The following SCML4 variants were observed in gnomAD, a reference collection of about 807,000 sequenced individuals.
The protein encoded by SCML4 is Scm polycomb group protein like 4.
In SCML4, 34 loss-of-function variants were observed where a neutral mutation model predicts 41.1. The ratio of observed to expected loss-of-function variants is 0.83; its 90% CI spans 0.63 to 1.10. The LOEUF is 1.10. Among genes scored for constraint, SCML4 ranks in the 50% least tolerant of loss-of-function variants. The pLI is 0.00. For synonymous variants in SCML4, 214 were observed against 220.9 expected (o/e 0.97, Z 0.28); for missense variants, 522 against 534.1 (o/e 0.98, Z 0.22).
At chr6:107,827,975 G>T (rs561243278), upstream of SCML4, among the ~76,000 whole-genome samples, 1 of 152,212 alleles carries the variant, frequency 6.6e-6, no homozygotes, top group Non-Finnish European at 1.5e-5. Context: ...TGCTACCGCC[G>T]AAACAACCTT....
At chr6:107,841,780 G>C in the SCML4 span, among the ~76,000 whole-genome samples, 1 of 152,126 alleles carries the variant, frequency 6.6e-6, no homozygotes, top group Non-Finnish European at 1.5e-5. Context: ...TCCTGGTTAG[G>C]AGAGGGCCCA....
At chr6:107,828,986 C>T (rs1399722277), upstream of SCML4, among the ~76,000 whole-genome samples, 3 of 151,930 alleles carry the variant, frequency 2.0e-5, no homozygotes, top group East Asian at 1.9e-4. Flanking sequence ...TAGAAGAACA[C>T]GGAATGAAAC....
chr6:107,803,487 C>T (rs1217773093), intron 1 of SCML4, among the ~76,000 whole-genome samples: 3 of 150,022 alleles, frequency 2.0e-5, no homozygotes, highest in South Asian at 4.2e-4. Context: ...CGCCTCTGCC[C>T]GGCCGCCCCT....
chr6:107,801,545 G>C (rs1219510461), intron 1 of SCML4, among the ~76,000 whole-genome samples: 2 of 152,082 alleles, frequency 1.3e-5, no homozygotes, highest in Non-Finnish European at 2.9e-5. Context: ...CTTTTCACTA[G>C]TCTCATAGAA....
intron 1 of SCML4, among the ~76,000 whole-genome samples, chr6:107,800,970 T>C (rs1021897601): frequency 1.3e-5 from 2 of 152,270 alleles, no homozygotes; most frequent in Non-Finnish European, 2.9e-5. Flanking sequence ...GTCCGAATCT[T>C]AACCTTGCAG....
chr6:107,763,090 C>T (rs1439456457), intron 2 of SCML4, among the ~76,000 whole-genome samples: 3 of 151,800 alleles, frequency 2.0e-5, no homozygotes, highest in African/African-American at 7.3e-5. Context: ...GCTATGTTGC[C>T]CAGGCTGGTC....
rs1773382196 is a variant in SCML4 at position 107,704,012 on chromosome 6, CTG to C, written c.*1186_*1187del. 1 of 152,312 alleles carries C rather than the reference CTG, an allele frequency of 6.6e-6. No individual in the cohort carries two copies. The highest frequency in any genetic ancestry group is 1.5e-5 in the Non-Finnish European group (1 of 68,028). The allele number at this position is 152,312 out of a possible 1,614,324, so 9.4% of individuals were successfully genotyped here. ...TAAATTGTGGATTCATTGTCCGTCT[CTG>C]GACACAGCTGCAAAGGAGCAGAAAA... is the stretch of plus-strand genomic sequence containing the variant. On this transcript the variant is annotated 3_prime_UTR_variant, in exon 8 of 8. Coordinates refer to ENST00000369020, the MANE Select transcript of SCML4 (RefSeq NM_198081.5).
chr6:107,715,865 C>T (rs1407590545), intron 6 of SCML4, among the ~76,000 whole-genome samples: 1 of 152,120 alleles, frequency 6.6e-6, no homozygotes, highest in African/African-American at 2.4e-5. Context: ...GGGGAAAATG[C>T]CATTTCTAAG....
intron 6 of SCML4, chr6:107,720,466 G>A: frequency 6.6e-6 from 8 of 1,218,274 alleles, no homozygotes; most frequent in Non-Finnish European, 8.2e-6. Flanking sequence ...GTACATTTTG[G>A]AGTCTACGTA....
At chr6:107,838,972 G>A in the SCML4 span, among the ~76,000 whole-genome samples, 10 of 151,930 alleles carry the variant, frequency 6.6e-5, no homozygotes, top group East Asian at 3.9e-4. Context: ...ACAAAAAATC[G>A]TCCAGAAATA....
At chr6:107,814,745 G>C (rs927584226) in intron 1 of SCML4, among the ~76,000 whole-genome samples, 1 of 152,138 alleles carries the variant, frequency 6.6e-6, no homozygotes, top group African/African-American at 2.4e-5. Context: ...TAGAGACGGG[G>C]TTTCGCCACA....
chr6:107,829,091 T>A (rs1304436407), upstream of SCML4, among the ~76,000 whole-genome samples: 2 of 152,208 alleles, frequency 1.3e-5, no homozygotes, highest in Non-Finnish European at 2.9e-5. Context: ...ACTAATGATT[T>A]ACAAAATATA....
At chr6:107,820,343 G>C (rs1355274984) in intron 1 of SCML4, among the ~76,000 whole-genome samples, 1 of 152,200 alleles carries the variant, frequency 6.6e-6, no homozygotes, top group Admixed American at 6.5e-5. Flanking sequence ...GGCTGTCCCT[G>C]AATGCCACCC....
chr6:107,774,914 T>G (rs1238730686), intron 1 of SCML4, among the ~76,000 whole-genome samples: 1 of 150,442 alleles, frequency 6.6e-6, no homozygotes, highest in Non-Finnish European at 1.5e-5. Flanking sequence ...TTCCAACTAC[T>G]AGGGAGGCTG....
chr6:107,803,441 C>T (rs1188277027), intron 1 of SCML4, among the ~76,000 whole-genome samples: 4 of 149,350 alleles, frequency 2.7e-5, no homozygotes, highest in Non-Finnish European at 4.5e-5. Flanking sequence ...GGTCAGCCCC[C>T]CGCCCGGCCA....
intron 2 of SCML4, among the ~76,000 whole-genome samples, chr6:107,756,698 A>T (rs1420136899): frequency 6.6e-5 from 10 of 152,210 alleles, no homozygotes. Flanking sequence ...GGGGGAAATC[A>T]GGTGCGGGGT....
intron 1 of SCML4, among the ~76,000 whole-genome samples, chr6:107,774,380 T>TGA (rs1780749643): frequency 6.6e-6 from 1 of 152,106 alleles, no homozygotes; most frequent in African/African-American, 2.4e-5. Flanking sequence ...TCAGTTAGGA[T>TGA]GAGGGACTAT....
chr6:107,814,828 C>A (rs183621080), intron 1 of SCML4, among the ~76,000 whole-genome samples: 1 of 152,162 alleles, frequency 6.6e-6, no homozygotes, highest in Non-Finnish European at 1.5e-5. Context: ...GCTGGGATTA[C>A]GAGCGTGAGC....
At chr6:107,831,895 T>TACAC in the SCML4 span, among the ~76,000 whole-genome samples, 721 of 150,628 alleles carry the variant, frequency 4.8e-3, 1 homozygote, top group Middle Eastern at 0.01. Context: ...TACTAAAAAA[T>TACAC]ACACACACAC....
Sources: allele counts gnomAD v4.1 joint callset (sites outside exome capture counted in the v4.1 genomes callset), GRCh38; gene constraint gnomAD v4.1.1; transcripts MANE v1.5; gene names NCBI Gene and HGNC (gene_info 2026-07-23, HGNC 2026-07-21).